Variants in PARD3B observed in about 807,000 individuals in gnomAD.
PARD3B encodes the protein partitioning defective 3 homolog B.
Under a neutral mutation model 130.2 loss-of-function variants are expected in PARD3B, and 103 were observed. That is an observed-to-expected ratio of 0.79 (90% CI 0.67 to 0.93). The LOEUF (loss-of-function observed/expected upper bound fraction) is 0.93, where lower values mean the gene tolerates loss of function less well. PARD3B is among the 40% of genes least tolerant of loss of function. PARD3B has a pLI of 0.00. For synonymous variants in PARD3B, 583 were observed against 553.2 expected, an observed-to-expected ratio of 1.05 and a Z score of -0.76; for missense variants, 1,609 against 1,499.2, an observed-to-expected ratio of 1.07 and a Z score of -1.21.
chr2:205,237,662 C>T (rs899360500), intron 15 of PARD3B, among the ~76,000 whole-genome samples: 4 of 151,768 alleles, frequency 2.6e-5, no homozygotes, highest in African/African-American at 4.8e-5. Flanking sequence ...AAGTATACTA[C>T]GTGAAGAACA....
chr2:204,762,841 A>G (rs1213781792), intron 2 of PARD3B, among the ~76,000 whole-genome samples: 4 of 148,110 alleles, frequency 2.7e-5, no homozygotes, highest in African/African-American at 9.9e-5. Context: ...GCTCACCACA[A>G]CCTCCACCTC....
At chr2:205,221,009 T>A (rs2038209423) in intron 15 of PARD3B, among the ~76,000 whole-genome samples, 1 of 152,166 alleles carries the variant, frequency 6.6e-6, no homozygotes, top group Non-Finnish European at 1.5e-5. Flanking sequence ...CTAAATGTGG[T>A]TGGAAGCTAA....
At chr2:204,826,336 A>G (rs2043570416) in intron 2 of PARD3B, among the ~76,000 whole-genome samples, 1 of 152,222 alleles carries the variant, frequency 6.6e-6, no homozygotes, top group African/African-American at 2.4e-5. Context: ...TTGACTCAGG[A>G]TAGGACCAAT....
intron 2 of PARD3B, among the ~76,000 whole-genome samples, chr2:204,883,238 A>G (rs962388654): frequency 2.6e-5 from 4 of 151,056 alleles, no homozygotes; most frequent in Non-Finnish European, 5.9e-5. Flanking sequence ...TCTCCTCATC[A>G]CTATCCTAAC....
intron 4 of PARD3B, 49 bp from the exon 5 acceptor site, chr2:205,104,377 C>A: frequency 7.5e-7 from 1 of 1,331,080 alleles, no homozygotes. Context: ...TTCAGATTTT[C>A]AATTCAATAT....
At chr2:204,810,331 A>G (rs549040057) in intron 2 of PARD3B, among the ~76,000 whole-genome samples, 2 of 152,260 alleles carry the variant, frequency 1.3e-5, no homozygotes, top group South Asian at 2.1e-4. Flanking sequence ...CCTCTTTTCA[A>G]GGGGAATGTT....
At chr2:204,741,479 A>G (rs1182600977) in intron 2 of PARD3B, among the ~76,000 whole-genome samples, 1 of 152,158 alleles carries the variant, frequency 6.6e-6, no homozygotes, top group African/African-American at 2.4e-5. Flanking sequence ...CACAGAACCC[A>G]TCATGATATG....
intron 15 of PARD3B, among the ~76,000 whole-genome samples, chr2:205,206,083 T>C (rs1346650810): frequency 2.0e-5 from 3 of 152,158 alleles, no homozygotes. Flanking sequence ...TCCTGGGCTT[T>C]TTTTTGGTTA....
intron 8 of PARD3B, 152 bp from the exon 9 acceptor site, chr2:205,124,175 C>T: frequency 1.5e-6 from 1 of 673,280 alleles, no homozygotes; most frequent in Non-Finnish European, 2.2e-6. Flanking sequence ...GCATTTGAAA[C>T]ACAAATAACT....
chr2:205,089,917 T>C (rs185282907), intron 4 of PARD3B, among the ~76,000 whole-genome samples: 2 of 152,358 alleles, frequency 1.3e-5, no homozygotes, highest in East Asian at 3.9e-4. Flanking sequence ...ACTATCATTT[T>C]TGCGTCCAGT....
intron 3 of PARD3B, among the ~76,000 whole-genome samples, chr2:205,046,527 T>TA (rs1371970088): frequency 6.6e-6 from 1 of 151,008 alleles, no homozygotes; most frequent in Non-Finnish European, 1.5e-5. Flanking sequence ...TGGACAAAGA[T>TA]AAAAAAATAT....
chr2:204,663,320 G>T (rs1364101360), intron 1 of PARD3B, among the ~76,000 whole-genome samples: 1 of 152,134 alleles, frequency 6.6e-6, no homozygotes, highest in African/African-American at 2.4e-5. Flanking sequence ...TCCTTCTACT[G>T]AATTTTAGTG....
At chr2:205,057,785 T>G (rs1352837901) in intron 4 of PARD3B, among the ~76,000 whole-genome samples, 11 of 150,458 alleles carry the variant, frequency 7.3e-5, no homozygotes, top group Non-Finnish European at 1.5e-5. Context: ...GTGTGTGTGT[T>G]TGTGTGTATG....
At chr2:204,989,271 G>T (rs780356393) in intron 3 of PARD3B, among the ~76,000 whole-genome samples, 1 of 152,006 alleles carries the variant, frequency 6.6e-6, no homozygotes, top group Non-Finnish European at 1.5e-5. Context: ...AAAGAAAAAA[G>T]CCAAGTATGA....
At chr2:205,399,192 C>A (rs1011758922) in intron 18 of PARD3B, among the ~76,000 whole-genome samples, 1 of 151,730 alleles carries the variant, frequency 6.6e-6, no homozygotes, top group East Asian at 2.0e-4. Flanking sequence ...ATCACATGAA[C>A]CCAGGAGGCA....
chr2:204,775,353 A>G (rs1407198498), intron 2 of PARD3B, among the ~76,000 whole-genome samples: 2 of 152,200 alleles, frequency 1.3e-5, no homozygotes, highest in African/African-American at 4.8e-5. Flanking sequence ...CTAGCTAATA[A>G]TAATGATAGT....
intron 2 of PARD3B, among the ~76,000 whole-genome samples, chr2:204,858,918 T>C (rs1299473070): frequency 6.6e-6 from 1 of 151,608 alleles, no homozygotes; most frequent in Admixed American, 6.6e-5. Flanking sequence ...TATTTATTGC[T>C]TTTAACCCTC....
chr2:205,345,721 C>A (rs2043728764), intron 18 of PARD3B, among the ~76,000 whole-genome samples: 1 of 149,824 alleles, frequency 6.7e-6, no homozygotes, highest in Non-Finnish European at 1.5e-5. Flanking sequence ...ACCAGGGAAT[C>A]AAATAAAAAT....
chr2:204,628,187 C>T (rs115918791), intron 1 of PARD3B, among the ~76,000 whole-genome samples: 3,953 of 152,014 alleles, frequency 0.026, 75 homozygotes, highest in Non-Finnish European at 0.038. Context: ...CTTTTGAAGA[C>T]TACAGGAGTT....
Sources: allele counts gnomAD v4.1 joint callset (sites outside exome capture counted in the v4.1 genomes callset), GRCh38; gene constraint gnomAD v4.1.1; transcripts MANE v1.5; gene names NCBI Gene and HGNC (gene_info 2026-07-23, HGNC 2026-07-21).